The following NEO1 variants were observed in gnomAD, a reference collection of about 807,000 sequenced individuals.
NEO1 encodes the protein neogenin 1.
Under a neutral mutation model 159.7 loss-of-function variants are expected in NEO1, and 63 were observed. The ratio of observed to expected loss-of-function variants is 0.39; its 90% CI spans 0.32 to 0.49. The LOEUF (loss-of-function observed/expected upper bound fraction) is 0.49. Among genes scored for constraint, NEO1 ranks in the 20% least tolerant of loss-of-function variants. NEO1 has a pLI of 0.85. For missense variants in NEO1, 1,615 were observed against 1,831.0 expected (o/e 0.88, Z 2.15); for synonymous variants, 633 against 662.0 (o/e 0.96, Z 0.67).
chr15:73,298,468 A>T lies in NEO1; in HGVS notation c.4022A>T (p.Glu1341Val). ...TSSSYLASSQ[E>V]EDSGQSLPTA... ...TCCTCTTACTTGGCCAGCTCCCAAG[A>T]GGAAGATTCAGGCCAGAGTCTTCCC... Residue 1341 changes from glutamate to valine, a missense_variant, in exon 27 of 29, where the codon GAG becomes GTG. Around this residue, in one of 3 missense-constraint regions of NEO1, gnomAD observed 471 missense variants for 498.9 expected, o/e 0.94. Coordinates refer to ENST00000261908, the MANE Select transcript of NEO1 (RefSeq NM_002499.4). 6.2e-7 allele frequency: 1 copy of T among 1,614,200 alleles called. No individual in the cohort carries two copies. Among genetic ancestry groups the T allele is most frequent in the Non-Finnish European group, 8.5e-7 (1 of 1,180,044 alleles).
chr15:73,250,840 T>C (rs1341527237), intron 11 of NEO1, among the ~76,000 whole-genome samples: 1 of 152,194 alleles, frequency 6.6e-6, no homozygotes, highest in African/African-American at 2.4e-5. Flanking sequence ...TTGGTATAAT[T>C]ACTTAATATT....
chr15:73,186,594 T>TC (rs921756623), intron 7 of NEO1, among the ~76,000 whole-genome samples: 18 of 152,254 alleles, frequency 1.2e-4, no homozygotes, highest in Non-Finnish European at 2.5e-4. Context: ...TTCTTTTTTT[T>TC]TCACTCTAAA....
intron 22 of NEO1, among the ~76,000 whole-genome samples, chr15:73,279,442 G>A (rs186322322): frequency 6.3e-4 from 93 of 146,908 alleles, no homozygotes; most frequent in Middle Eastern, 7.4e-3. Context: ...TCCACCTCCC[G>A]GGTTCAAGGG....
At chr15:73,070,069 GGCA>G (rs1246489216) in intron 1 of NEO1, among the ~76,000 whole-genome samples, 10 of 152,098 alleles carry the variant, frequency 6.6e-5, no homozygotes, top group Admixed American at 3.9e-4. Context: ...ATCTGTTAGA[GGCA>G]TAAAATACTC....
At chr15:73,105,230 G>A (rs995686977) in intron 1 of NEO1, among the ~76,000 whole-genome samples, 1 of 152,134 alleles carries the variant, frequency 6.6e-6, no homozygotes, top group Admixed American at 6.6e-5. Context: ...AAAAGATAAA[G>A]AACCAAACAA....
At chr15:73,065,152 A>G (rs1479387370) in intron 1 of NEO1, among the ~76,000 whole-genome samples, 1 of 152,006 alleles carries the variant, frequency 6.6e-6, no homozygotes, top group African/African-American at 2.4e-5. Flanking sequence ...TAATGTTATT[A>G]TGTTATTGTT....
At chr15:73,285,896 G>A (rs2041926123) in intron 23 of NEO1, among the ~76,000 whole-genome samples, 1 of 151,988 alleles carries the variant, frequency 6.6e-6, no homozygotes, top group African/African-American at 2.4e-5. Flanking sequence ...TTTGAAGCCC[G>A]TTCTACCCTT....
At position 73,303,184 on chromosome 15, in the gene NEO1, A is replaced by T. The variant is rs1371159631; in HGVS notation, c.*488A>T. ...GGTTGACATTTGACTGCTTGTTCCAATTATGTATGGAAAGTCTTTGACAGT... is the reference window on the plus strand; with the variant it reads ...GGTTGACATTTGACTGCTTGTTCCATTTATGTATGGAAAGTCTTTGACAGT... On this transcript the variant is annotated 3_prime_UTR_variant, in exon 29 of 29. Coordinates refer to ENST00000261908, the MANE Select transcript of NEO1 (RefSeq NM_002499.4). 2 of 155,408 alleles carry T rather than the reference A, an allele frequency of 1.3e-5. No homozygotes were observed. The highest frequency in any genetic ancestry group is 2.9e-5 in the Non-Finnish European group (2 of 69,710). The allele number at this position is 155,408 out of a possible 1,614,324, so 9.6% of individuals were successfully genotyped here. A position where few individuals can be genotyped will look rare whatever the true frequency, so the allele number is the denominator to read the frequency against.
intron 1 of NEO1, among the ~76,000 whole-genome samples, chr15:73,089,375 C>T (rs1038845813): frequency 6.6e-6 from 1 of 151,946 alleles, no homozygotes; most frequent in Non-Finnish European, 1.5e-5. Flanking sequence ...AAAATATCTC[C>T]TAGGCAATAT....
At chr15:73,238,436 T>A (rs888384089) in intron 8 of NEO1, among the ~76,000 whole-genome samples, 3 of 151,866 alleles carry the variant, frequency 2.0e-5, no homozygotes, top group African/African-American at 7.2e-5. Flanking sequence ...ATTAAGTTAA[T>A]ACATTAATTT....
intron 1 of NEO1, among the ~76,000 whole-genome samples, chr15:73,097,315 C>T (rs1340633590): frequency 3.3e-5 from 5 of 149,898 alleles, no homozygotes; most frequent in South Asian, 2.1e-4. Flanking sequence ...CATTTTTCCA[C>T]GAACGTTTTG....
chr15:73,120,119 G>C (rs2071552361), intron 2 of NEO1, among the ~76,000 whole-genome samples: 1 of 152,004 alleles, frequency 6.6e-6, no homozygotes, highest in Non-Finnish European at 1.5e-5. Context: ...ATGGGTGACA[G>C]AGTGAGACTC....
In NEO1 at chr15:73,278,212, C is replaced by A; in HGVS notation, c.3262+13C>A. On this transcript the variant is annotated intron_variant, in intron 22 of 28. Coordinates refer to ENST00000261908, the MANE Select transcript of NEO1 (RefSeq NM_002499.4). ...CCTCCAATGAGCGGTAAAGCCTTTC[C>A]CATGGCGTTTTTTGCTTACTATGGA... is the stretch of plus-strand genomic sequence containing the variant. The A allele has an allele frequency of 6.2e-7, 1 of 1,608,392 alleles. No homozygotes were observed. Among genetic ancestry groups the A allele is most frequent in the Non-Finnish European group, 8.5e-7 (1 of 1,176,174 alleles).
At chr15:73,171,940 C>T (rs915961418) in intron 5 of NEO1, among the ~76,000 whole-genome samples, 2 of 151,910 alleles carry the variant, frequency 1.3e-5, no homozygotes, top group Admixed American at 6.6e-5. Flanking sequence ...CATGCCCGGC[C>T]AATAAATTAT....
At chr15:73,068,230 C>CA (rs1555421039) in intron 1 of NEO1, among the ~76,000 whole-genome samples, 8 of 114,188 alleles carry the variant, frequency 7.0e-5, no homozygotes, top group Non-Finnish European at 1.7e-4. Flanking sequence ...CCTACCCCCC[C>CA]CCCTTTTTTT....
At chr15:73,172,851 G>T (rs943665435) in intron 5 of NEO1, among the ~76,000 whole-genome samples, 2 of 152,114 alleles carry the variant, frequency 1.3e-5, no homozygotes, top group African/African-American at 4.8e-5. Flanking sequence ...TTCATTGTAA[G>T]GGTCAAAGCA....
At chr15:73,278,642 C>A (rs1231516353) in intron 22 of NEO1, among the ~76,000 whole-genome samples, 1 of 152,146 alleles carries the variant, frequency 6.6e-6, no homozygotes, top group Non-Finnish European at 1.5e-5. Flanking sequence ...AGAGCTGGTG[C>A]CTTCTAATTT....
intron 1 of NEO1, among the ~76,000 whole-genome samples, chr15:73,114,784 G>A (rs140876089): frequency 0.018 from 2,753 of 152,100 alleles, 44 homozygotes; most frequent in Non-Finnish European, 0.029. Context: ...AAGTTTCTGA[G>A]TTAAGTTTGG....
chr15:73,052,655 CCG>C lies in NEO1; in HGVS notation c.-19_-18del. The stretch of plus-strand genomic sequence containing the variant: ...CTCCGCGGCGCTGTCGCCGCCGCTG[CCG>C]CTCACTCTCGGGGAAGAGATGGCGG... On this transcript the variant is annotated 5_prime_UTR_variant, in exon 1 of 29. Transcript: ENST00000261908. The C allele has an allele frequency of 7.8e-7, 1 of 1,275,028 alleles. No individual in the cohort carries two copies. The highest frequency in any genetic ancestry group is 2.0e-5 in the South Asian group (1 of 50,988). 79.0% of individuals were successfully genotyped at this position (1,275,028 alleles called of 1,614,324 possible).
Sources: allele counts gnomAD v4.1 joint callset (sites outside exome capture counted in the v4.1 genomes callset), GRCh38; gene constraint gnomAD v4.1.1; regional missense constraint gnomAD v4.1.1; transcripts MANE v1.5; gene names NCBI Gene and HGNC (gene_info 2026-07-23, HGNC 2026-07-21).